CEP170: variants seen among roughly 807,000 people sequenced by gnomAD.
The protein encoded by CEP170 is centrosomal protein 170.
Under a neutral mutation model 151.9 loss-of-function variants are expected in CEP170, and 21 were observed. That is an observed-to-expected ratio of 0.14 (90% CI 0.10 to 0.20). The LOEUF (loss-of-function observed/expected upper bound fraction) is 0.20. Among genes scored for constraint, CEP170 ranks in the 10% least tolerant of loss-of-function variants. The pLI is 1.00. For missense variants in CEP170, 964 were observed against 1,892.9 expected (o/e 0.51, Z 9.11); for synonymous variants, 356 against 648.8 (o/e 0.55, Z 6.86).
chr1:243,215,672 A>C (rs1446264497), intron 3 of CEP170, among the ~76,000 whole-genome samples: 1 of 152,152 alleles, frequency 6.6e-6, no homozygotes, highest in Non-Finnish European at 1.5e-5. Flanking sequence ...ATGATACTTC[A>C]TTAGCATTTT....
In CEP170 at chr1:243,211,701, CA is replaced by C. The variant is rs1377060506; in HGVS notation, c.274+184del. On this transcript the variant is annotated intron_variant, in intron 4 of 19. Coordinates refer to ENST00000366542, the MANE Select transcript of CEP170 (RefSeq NM_014812.3). ...AAAAAGCTGAGTCCACCAACTTTTC[CA>C]TGATTACTTTTAGGAACAGGCATAA... is the stretch of plus-strand genomic sequence containing the variant. 2.5e-5 allele frequency: 16 copies of C among 650,632 alleles called. No homozygotes were observed. In the South Asian group the frequency reaches 4.1e-4, roughly 17 times the overall value. 40.3% of individuals were successfully genotyped at this position (650,632 alleles called of 1,614,324 possible).
chr1:243,183,976 C>G (rs2059790675), intron 10 of CEP170, among the ~76,000 whole-genome samples: 1 of 152,170 alleles, frequency 6.6e-6, no homozygotes, highest in South Asian at 2.1e-4. Flanking sequence ...TCTTGGCTTT[C>G]TGCTGTCCTG....
chr1:243,132,316 A>G (rs943520116), intron 17 of CEP170, among the ~76,000 whole-genome samples: 2 of 152,192 alleles, frequency 1.3e-5, no homozygotes, highest in African/African-American at 4.8e-5. Flanking sequence ...TAAACCTCCT[A>G]GGTGAAAGTG....
At chr1:243,149,815 T>C (rs1433008149) in intron 14 of CEP170, among the ~76,000 whole-genome samples, 1 of 152,164 alleles carries the variant, frequency 6.6e-6, no homozygotes, top group African/African-American at 2.4e-5. Context: ...CACCATTGAA[T>C]TCTGACAACT....
At position 243,225,271 on chromosome 1, in the gene CEP170, T is replaced by G. The variant is rs2063135032; in HGVS notation, c.10A>C (p.Thr4Pro). The change falls in exon 2 of 20, where the codon ACA becomes CCA. Residue 4 changes from threonine to proline, a missense_variant. Thr to Pro is a conservative substitution (Grantham distance 38, BLOSUM62 -1). Coordinates refer to ENST00000366542, the MANE Select transcript of CEP170 (RefSeq NM_014812.3). MSL[T>P]SWFLVSSGGT... ...CCACTGCTCACCAAAAACCAGGATG[T>G]TAAGCTCATTTTCTGCTTAGCTTCT... The G allele has an allele frequency of 2.5e-6, 4 of 1,588,610 alleles. No individual in the cohort carries two copies. The highest frequency in any genetic ancestry group is 3.4e-6 in the Non-Finnish European group (4 of 1,169,520).
chr1:243,188,762 C>A (rs950822101), intron 8 of CEP170, among the ~76,000 whole-genome samples: 1 of 152,134 alleles, frequency 6.6e-6, no homozygotes, highest in African/African-American at 2.4e-5. Context: ...ACTTTCAATT[C>A]TTTGATCTAA....
intron 1 of CEP170, among the ~76,000 whole-genome samples, chr1:243,243,590 C>G: frequency 6.6e-6 from 1 of 151,970 alleles, no homozygotes; most frequent in South Asian, 2.1e-4. Flanking sequence ...GTGGGGCGAT[C>G]TCAGCTCACT....
intron 14 of CEP170, among the ~76,000 whole-genome samples, chr1:243,152,469 C>T (rs538865184): frequency 6.7e-6 from 1 of 150,298 alleles, no homozygotes; most frequent in Admixed American, 6.7e-5. Flanking sequence ...GATCCACCCG[C>T]CTCAACCTCC....
At chr1:243,204,776 A>G (rs935158944) in intron 4 of CEP170, among the ~76,000 whole-genome samples, 18 of 152,176 alleles carry the variant, frequency 1.2e-4, no homozygotes, top group Non-Finnish European at 4.4e-5. Flanking sequence ...TTATTTATAT[A>G]ATAAAAATCC....
chr1:243,220,770 A>C (rs2062726722), intron 3 of CEP170, among the ~76,000 whole-genome samples: 1 of 152,226 alleles, frequency 6.6e-6, no homozygotes, highest in African/African-American at 2.4e-5. Context: ...TAAAAGAAAT[A>C]ATTCAATACT....
intron 3 of CEP170, among the ~76,000 whole-genome samples, chr1:243,214,345 G>T (rs2062078451): frequency 7.0e-6 from 1 of 142,910 alleles, no homozygotes; most frequent in Admixed American, 7.2e-5. Flanking sequence ...GAGTGTAATG[G>T]CGTGATCTCA....
intron 14 of CEP170, among the ~76,000 whole-genome samples, chr1:243,153,807 G>A (rs896623749): frequency 6.6e-6 from 1 of 152,172 alleles, no homozygotes; most frequent in African/African-American, 2.4e-5. Flanking sequence ...TCTTCGAGGT[G>A]TTACTGTAGA....
rs1474251694 is a variant in CEP170 at position 243,191,067 on chromosome 1, A to C, written c.1059T>G (p.Asp353Glu). The C allele has an allele frequency of 6.2e-7, 1 of 1,610,614 alleles. No homozygotes were observed. ...PQMLWERTEE[D>E]SKSIKSDVPV... ...GAACATCACTTTTAATGCTTTTAGA[A>C]TCCTCTTCTGTTCTTTCCCATAGCA... Residue 353 changes from aspartate to glutamate, a missense_variant, in exon 8 of 20, where the codon GAT becomes GAG. Physicochemically the swap from Asp to Glu is conservative, Grantham distance 45. Coordinates refer to ENST00000366542, the MANE Select transcript of CEP170 (RefSeq NM_014812.3).
intron 8 of CEP170, 46 bp from the exon 9 acceptor site, chr1:243,186,468 T>C (rs774026137): frequency 3.3e-5 from 50 of 1,536,792 alleles, no homozygotes; most frequent in Non-Finnish European, 4.2e-5. Context: ...AAAAGTCCCA[T>C]GTAGAAATTT....
At chr1:243,252,882 A>T (rs1358339942) in intron 1 of CEP170, among the ~76,000 whole-genome samples, 1 of 152,206 alleles carries the variant, frequency 6.6e-6, no homozygotes, top group Non-Finnish European at 1.5e-5. Context: ...AATCAACCCA[A>T]TAAAAAACAT....
chr1:243,221,118 G>C (rs955694781), intron 3 of CEP170, among the ~76,000 whole-genome samples: 11 of 152,044 alleles, frequency 7.2e-5, no homozygotes, highest in African/African-American at 2.7e-4. Flanking sequence ...TCCGCCTCCC[G>C]GGTTCACGCC....
intron 7 of CEP170, among the ~76,000 whole-genome samples, chr1:243,198,000 A>G (rs1481731283): frequency 6.6e-6 from 1 of 152,094 alleles, no homozygotes; most frequent in Non-Finnish European, 1.5e-5. Flanking sequence ...AGCATACCTA[A>G]AGAACCAATG....
At chr1:243,190,404 T>TATA (rs1414998617) in intron 8 of CEP170, among the ~76,000 whole-genome samples, 1 of 152,152 alleles carries the variant, frequency 6.6e-6, no homozygotes, top group Non-Finnish European at 1.5e-5. Flanking sequence ...ACAAATAAAG[T>TATA]ATATATAACT....
intron 17 of CEP170, chr1:243,135,942 G>A (rs2055016465): frequency 5.6e-6 from 3 of 537,624 alleles, no homozygotes; most frequent in East Asian, 3.3e-5. Context: ...CTGAAGTACT[G>A]TTGAATAAAA....
Sources: gnomAD v4.1 joint callset for allele counts (sites outside exome capture counted in the v4.1 genomes callset) on GRCh38, gnomAD v4.1.1 for gene constraint, MANE v1.5 for transcripts, NCBI Gene and HGNC (gene_info 2026-07-23, HGNC 2026-07-21) for gene names.